Variants in NRG3 observed in about 807,000 individuals in gnomAD.
NRG3 encodes neuregulin 3.
In NRG3, 31 loss-of-function variants were observed where a neutral mutation model predicts 66.9. That is an observed-to-expected ratio of 0.46 (90% CI 0.35 to 0.63). The LOEUF is 0.63. NRG3 is among the 20% of genes least tolerant of loss of function. NRG3 has a pLI of 0.00. For synonymous variants in NRG3, 393 were observed against 359.4 expected, an observed-to-expected ratio of 1.09 and a Z score of -1.06; for missense variants, 910 against 878.9, an observed-to-expected ratio of 1.04 and a Z score of -0.45.
intron 2 of NRG3, among the ~76,000 whole-genome samples, chr10:82,627,449 C>T (rs2049507099): frequency 6.6e-6 from 1 of 151,982 alleles, no homozygotes; most frequent in Non-Finnish European, 1.5e-5. Flanking sequence ...AAAATCACAT[C>T]AGCTTATATT....
At chr10:82,182,552 G>A (rs932464583) in intron 1 of NRG3, among the ~76,000 whole-genome samples, 3 of 151,560 alleles carry the variant, frequency 2.0e-5, no homozygotes, top group African/African-American at 7.3e-5. Context: ...TTATGTTACT[G>A]ATACCACAAA....
At chr10:82,935,790 AT>A (rs931021370) in intron 4 of NRG3, among the ~76,000 whole-genome samples, 13 of 151,014 alleles carry the variant, frequency 8.6e-5, no homozygotes, top group African/African-American at 2.2e-4. Flanking sequence ...CGCCTGGATA[AT>A]TTTTTTTTAT....
intron 2 of NRG3, among the ~76,000 whole-genome samples, chr10:82,444,140 T>G (rs980993714): frequency 6.6e-6 from 1 of 152,226 alleles, no homozygotes; most frequent in African/African-American, 2.4e-5. Context: ...CCTTGCTCTA[T>G]CGCCCAGGCT....
intron 2 of NRG3, among the ~76,000 whole-genome samples, chr10:82,722,178 C>G (rs140170465): frequency 1.3e-5 from 2 of 152,090 alleles, no homozygotes; most frequent in African/African-American, 4.8e-5. Flanking sequence ...GGTTGTTGTT[C>G]GACCCCTTAT....
At chr10:82,912,078 A>G (rs751477665) in intron 4 of NRG3, among the ~76,000 whole-genome samples, 2 of 152,164 alleles carry the variant, frequency 1.3e-5, no homozygotes, top group Non-Finnish European at 2.9e-5. Context: ...GTGTTAAGAT[A>G]TGTTTTGTGA....
chr10:82,619,086 G>A (rs1423220048), intron 2 of NRG3, among the ~76,000 whole-genome samples: 1 of 152,020 alleles, frequency 6.6e-6, no homozygotes, highest in Non-Finnish European at 1.5e-5. Flanking sequence ...TATCTATCAT[G>A]TTGGGCCAAA....
intron 1 of NRG3, among the ~76,000 whole-genome samples, chr10:82,305,821 T>C (rs1021507907): frequency 6.6e-6 from 1 of 152,184 alleles, no homozygotes; most frequent in Non-Finnish European, 1.5e-5. Flanking sequence ...TCCTCCTCCT[T>C]AATTTTTTTG....
chr10:82,245,153 T>C (rs2077179042), intron 1 of NRG3, among the ~76,000 whole-genome samples: 1 of 152,144 alleles, frequency 6.6e-6, no homozygotes, highest in Admixed American at 6.5e-5. Context: ...TTCCTGCAAC[T>C]AGAGGGTTCC....
At chr10:82,172,509 C>G (rs1281341713) in intron 1 of NRG3, among the ~76,000 whole-genome samples, 1 of 152,050 alleles carries the variant, frequency 6.6e-6, no homozygotes, top group Non-Finnish European at 1.5e-5. Context: ...GAGAATAGAA[C>G]AAGAAATCTA....
chr10:82,139,615 A>G (rs1302681705), intron 1 of NRG3, among the ~76,000 whole-genome samples: 1 of 152,158 alleles, frequency 6.6e-6, no homozygotes, highest in African/African-American at 2.4e-5. Flanking sequence ...TGTGACACTT[A>G]CATTACTGTT....
intron 1 of NRG3, among the ~76,000 whole-genome samples, chr10:81,924,100 G>C (rs1388164984): frequency 2.0e-5 from 3 of 152,168 alleles, no homozygotes; most frequent in Admixed American, 2.0e-4. Flanking sequence ...AGAAGTAGTG[G>C]GAGATAACTT....
intron 3 of NRG3, among the ~76,000 whole-genome samples, chr10:82,807,792 C>A (rs2061348627): frequency 1.3e-5 from 2 of 152,136 alleles, no homozygotes; most frequent in South Asian, 2.1e-4. Context: ...TGTTTCCTGT[C>A]TTCTCTTATA....
At chr10:82,010,456 G>T (rs1025495288) in intron 1 of NRG3, among the ~76,000 whole-genome samples, 3 of 152,164 alleles carry the variant, frequency 2.0e-5, no homozygotes, top group African/African-American at 7.2e-5. Context: ...TTTTAATGTA[G>T]AAGGTGTAGT....
At chr10:82,271,632 A>G (rs1192899889) in intron 1 of NRG3, among the ~76,000 whole-genome samples, 1 of 152,078 alleles carries the variant, frequency 6.6e-6, no homozygotes, top group Non-Finnish European at 1.5e-5. Context: ...ATTGATTGGA[A>G]CTGTGTAAGC....
At chr10:81,980,684 A>C (rs1396230471) in intron 1 of NRG3, among the ~76,000 whole-genome samples, 3 of 152,188 alleles carry the variant, frequency 2.0e-5, no homozygotes, top group African/African-American at 7.2e-5. Flanking sequence ...ACTTCCATAC[A>C]AAATATCATA....
chr10:82,793,266 G>A (rs1378261653), intron 3 of NRG3, among the ~76,000 whole-genome samples: 11 of 152,014 alleles, frequency 7.2e-5, no homozygotes, highest in Admixed American at 5.9e-4. Flanking sequence ...AGTTTGTTGT[G>A]TTTCATTTTA....
chr10:82,707,001 A>T (rs2256874), intron 2 of NRG3, among the ~76,000 whole-genome samples: 74,702 of 145,104 alleles, frequency 0.51, 20,412 homozygotes, highest in East Asian at 0.65. Context: ...CTCAAAAAAA[A>T]AAAATAAAAT....
At position 82,973,912 on chromosome 10, in the gene NRG3, A is replaced by G. The variant is rs1206236145; in HGVS notation, c.1409A>G (p.His470Arg). 6 of 1,613,946 alleles carry G rather than the reference A, an allele frequency of 3.7e-6. No homozygotes were observed. The East Asian group carries it at 1.1e-4, about 30-fold the overall frequency. Reference protein sequence around the residue: ...PDRGSQSVKHHRSLSSCCSPG... With the variant: ...PDRGSQSVKHRRSLSSCCSPG... ...AGAGGAAGCCAGTCTGTCAAACACCACAGGTACAAGTAGCTCATCATGGTG... is the reference window on the plus strand; with the variant it reads ...AGAGGAAGCCAGTCTGTCAAACACCGCAGGTACAAGTAGCTCATCATGGTG... Residue 470 changes from histidine to arginine, a missense_variant, in exon 7 of 9, where the codon CAC (histidine) becomes CGC (arginine). Coordinates refer to ENST00000372141, the MANE Select transcript of NRG3 (RefSeq NM_001010848.4).
At position 82,768,956 on chromosome 10, in the gene NRG3, A is replaced by G. The variant is rs1028830838; in HGVS notation, c.1027+30306A>G. Among the ~76,000 whole-genome samples the G allele has an allele frequency of 3.9e-5, 6 of 152,112 alleles. No homozygotes were observed. In the South Asian group the frequency reaches 1.0e-3, roughly 26 times the overall value. ...TGTTATATGTGTTCTCTTTCTATGT[A>G]TTTAAGATTCTATACGCTTTAAGAA... On this transcript the variant is annotated intron_variant, in intron 3 of 8. Transcript: ENST00000372141.
Sources: allele counts gnomAD v4.1 joint callset (sites outside exome capture counted in the v4.1 genomes callset), GRCh38; gene constraint gnomAD v4.1.1; transcripts MANE v1.5; gene names NCBI Gene and HGNC (gene_info 2026-07-23, HGNC 2026-07-21).